Variants in ABCD2 observed in about 807,000 individuals in gnomAD.
ABCD2 encodes the protein ATP binding cassette subfamily D member 2.
In ABCD2, 36 loss-of-function variants were observed where a neutral mutation model predicts 70.9. The ratio of observed to expected loss-of-function variants is 0.51; its 90% CI spans 0.39 to 0.67. ABCD2 has a LOEUF of 0.67. Ranked by LOEUF, ABCD2 falls within the 30% of genes least tolerant of loss-of-function variation. ABCD2 has a pLI of 0.00. For missense variants in ABCD2, 729 were observed against 890.2 expected, an observed-to-expected ratio of 0.82 and a Z score of 2.30; for synonymous variants, 304 against 306.9, an observed-to-expected ratio of 0.99 and a Z score of 0.10.
At chr12:39,538,672 G>T in the ABCD2 span, among the ~76,000 whole-genome samples, 32 of 152,174 alleles carry the variant, frequency 2.1e-4, 1 homozygote, top group South Asian at 6.2e-3. Flanking sequence ...TCTCCCTGGG[G>T]CCTGAAAGCT....
chr12:39,592,456 A>G (rs1941759335), intron 6 of ABCD2, among the ~76,000 whole-genome samples: 1 of 152,162 alleles, frequency 6.6e-6, no homozygotes, highest in African/African-American at 2.4e-5. Context: ...GCACAATTAC[A>G]ATATATTTAC....
At chr12:39,572,522 T>C (rs149319878) in intron 9 of ABCD2, among the ~76,000 whole-genome samples, 1 of 152,264 alleles carries the variant, frequency 6.6e-6, no homozygotes, top group East Asian at 1.9e-4. Context: ...AATCTGAAGG[T>C]TTAAACTGAG....
chr12:39,534,614 C>A, the ABCD2 span, among the ~76,000 whole-genome samples: 1 of 144,440 alleles, frequency 6.9e-6, no homozygotes, highest in Non-Finnish European at 1.5e-5. Context: ...GAGTTTGAGA[C>A]CAATGTGGGC....
At chr12:39,557,981 G>C (rs748438754) in intron 9 of ABCD2, among the ~76,000 whole-genome samples, 8 of 152,172 alleles carry the variant, frequency 5.3e-5, no homozygotes, top group Non-Finnish European at 7.3e-5. Context: ...TGAGAAGAGG[G>C]CCACCATCCC....
chr12:39,557,943 C>T (rs1254927095), intron 9 of ABCD2, among the ~76,000 whole-genome samples: 1 of 152,154 alleles, frequency 6.6e-6, no homozygotes, highest in African/African-American at 2.4e-5. Context: ...GGTCAGAGCC[C>T]CCACTGGGGC....
At chr12:39,583,015 A>G (rs1941617501) in intron 7 of ABCD2, among the ~76,000 whole-genome samples, 1 of 152,068 alleles carries the variant, frequency 6.6e-6, no homozygotes, top group African/African-American at 2.4e-5. Context: ...GTGTGCCACC[A>G]TTCCCGGATA....
At position 39,616,270 on chromosome 12, in the gene ABCD2, A is replaced by G. The variant is rs1357781619; in HGVS notation, c.1120+718T>C. 2.0e-5 allele frequency among the ~76,000 whole-genome samples: 3 copies of G among 152,180 alleles called. No individual in the cohort carries two copies. In the East Asian group the frequency reaches 5.8e-4, roughly 29 times the overall value. The stretch of plus-strand genomic sequence containing the variant: ...CAATTAAGATCCAAGCTCCCATCCA[A>G]GGATGATACAACATTTTAACATTGT... On this transcript the variant is annotated intron_variant, in intron 2 of 9. Coordinates refer to ENST00000308666, the MANE Select transcript of ABCD2 (RefSeq NM_005164.4).
the ABCD2 span, among the ~76,000 whole-genome samples, chr12:39,541,618 G>T: frequency 6.6e-6 from 1 of 152,318 alleles, no homozygotes; most frequent in South Asian, 2.1e-4. Context: ...TTTGCAGTGG[G>T]AAAAGGTCAC....
At chr12:39,597,335 G>C (rs1379867020) in intron 6 of ABCD2, among the ~76,000 whole-genome samples, 1 of 152,064 alleles carries the variant, frequency 6.6e-6, no homozygotes, top group Non-Finnish European at 1.5e-5. Context: ...TTTGTTAGCA[G>C]GTGAACAAAA....
At chr12:39,546,254 C>A (rs1244275979), downstream of ABCD2, among the ~76,000 whole-genome samples, 2 of 151,594 alleles carry the variant, frequency 1.3e-5, no homozygotes, top group African/African-American at 2.4e-5. Flanking sequence ...TAATTTTATT[C>A]ATTCTCAGAA....
intron 6 of ABCD2, among the ~76,000 whole-genome samples, chr12:39,599,295 G>T (rs563038722): frequency 3.9e-5 from 6 of 152,150 alleles, no homozygotes; most frequent in Non-Finnish European, 7.3e-5. Flanking sequence ...TGCATCAAGA[G>T]AATAGAATTC....
intron 3 of ABCD2, among the ~76,000 whole-genome samples, chr12:39,605,599 A>G (rs868515799): frequency 2.0e-5 from 3 of 152,082 alleles, no homozygotes; most frequent in Non-Finnish European, 2.9e-5. Context: ...AGCTCAATGG[A>G]ATGGTGCCTT....
At chr12:39,564,447 A>G (rs1566537184) in intron 9 of ABCD2, among the ~76,000 whole-genome samples, 1 of 152,110 alleles carries the variant, frequency 6.6e-6, no homozygotes, top group Non-Finnish European at 1.5e-5. Context: ...GTGTCTGTTC[A>G]TATCCTTTGC....
rs2120514373 is a variant in ABCD2 at position 39,553,504 on chromosome 12, A to G, written c.*408T>C. On this transcript the variant is annotated 3_prime_UTR_variant, in exon 10 of 10. Transcript: ENST00000308666. ...CTAATATCAACCATAAATGGACTAA[A>G]TGTCACTCAAAGTTTGAATCTTATG... is the stretch of plus-strand genomic sequence containing the variant. The G allele has an allele frequency of 6.3e-6, 1 of 158,792 alleles. No individual in the cohort carries two copies. The highest frequency in any genetic ancestry group is 1.9e-4 in the South Asian group (1 of 5,138). 9.8% of individuals were successfully genotyped at this position (158,792 alleles called of 1,614,324 possible).
chr12:39,588,505 T>C (rs779436190), intron 6 of ABCD2, among the ~76,000 whole-genome samples: 7 of 152,156 alleles, frequency 4.6e-5, no homozygotes, highest in Non-Finnish European at 1.0e-4. Context: ...GAAGGAATGC[T>C]TGGCACCACC....
In ABCD2 at chr12:39,601,571, C is replaced by A. The variant is rs116348299; in HGVS notation, c.1501-855G>T. Among the ~76,000 whole-genome samples, 1,285 of 151,936 alleles carry A rather than the reference C, an allele frequency of 8.5e-3. 26 individuals are homozygous for A. Among genetic ancestry groups the A allele is most frequent in the African/African-American group, 0.029 (1,218 of 41,460 alleles). ...TTTAAAGGGTATTGTGAACAACAAT[C>A]AACAGAAACACCATTTAAAATTTTT... On this transcript the variant is annotated intron_variant, in intron 5 of 9. Coordinates refer to ENST00000308666, the MANE Select transcript of ABCD2 (RefSeq NM_005164.4).
chr12:39,598,532 C>A (rs1330968954), intron 6 of ABCD2, among the ~76,000 whole-genome samples: 2 of 152,108 alleles, frequency 1.3e-5, no homozygotes, highest in Non-Finnish European at 2.9e-5. Flanking sequence ...TCTTGAGTAG[C>A]TGGGATTACA....
At chr12:39,562,539 G>A (rs571250289) in intron 9 of ABCD2, among the ~76,000 whole-genome samples, 1 of 152,162 alleles carries the variant, frequency 6.6e-6, no homozygotes, top group African/African-American at 2.4e-5. Flanking sequence ...AAAGAATGAT[G>A]AGACTGTTGT....
At chr12:39,583,275 A>T (rs1202023473) in intron 7 of ABCD2, among the ~76,000 whole-genome samples, 2 of 152,220 alleles carry the variant, frequency 1.3e-5, no homozygotes, top group African/African-American at 2.4e-5. Flanking sequence ...ACAGTTGAAG[A>T]TACAGAGAAC....
Sources: allele counts gnomAD v4.1 joint callset (sites outside exome capture counted in the v4.1 genomes callset), GRCh38; gene constraint gnomAD v4.1.1; transcripts MANE v1.5; gene names NCBI Gene and HGNC (gene_info 2026-07-23, HGNC 2026-07-21).